NT5DC1: variants seen among roughly 807,000 people sequenced by gnomAD.
NT5DC1 encodes the protein 5'-nucleotidase domain containing 1, also known as 5'-nucleotidase domain-containing protein 1.
Under a neutral mutation model 59.4 loss-of-function variants are expected in NT5DC1, and 42 were observed. The ratio of observed to expected loss-of-function variants is 0.71; its 90% CI spans 0.55 to 0.92. NT5DC1 has a LOEUF of 0.92. NT5DC1 is among the 40% of genes least tolerant of loss of function. NT5DC1 has a pLI of 0.00. For missense variants in NT5DC1, 501 were observed against 537.1 expected, an observed-to-expected ratio of 0.93 and a Z score of 0.66; for synonymous variants, 172 against 188.1, an observed-to-expected ratio of 0.91 and a Z score of 0.70.
chr6:116,137,612 C>T, intron 6 of NT5DC1: 1 of 213,290 alleles, frequency 4.7e-6, no homozygotes, highest in South Asian at 8.7e-5. Context: ...CCCCGTGCCT[C>T]AGTAGTGGGA....
At chr6:116,163,135 A>ATATAT (rs1554197048) in intron 6 of NT5DC1, among the ~76,000 whole-genome samples, 30 of 98,538 alleles carry the variant, frequency 3.0e-4, no homozygotes, top group East Asian at 1.5e-3. Flanking sequence ...TCAAAAAAAA[A>ATATAT]AAAAAAATAT....
At chr6:116,181,201 A>G (rs1379884907) in intron 6 of NT5DC1, among the ~76,000 whole-genome samples, 2 of 152,066 alleles carry the variant, frequency 1.3e-5, no homozygotes, top group Non-Finnish European at 2.9e-5. Context: ...GAAAATTTCC[A>G]TAAGAATGAA....
At chr6:116,177,604 G>A (rs1231474686) in intron 6 of NT5DC1, among the ~76,000 whole-genome samples, 2 of 152,060 alleles carry the variant, frequency 1.3e-5, no homozygotes, top group African/African-American at 4.8e-5. Context: ...TTGCATTCAA[G>A]CCCTGTGTTT....
chr6:116,198,566 GA>G (rs1005146498), intron 6 of NT5DC1, among the ~76,000 whole-genome samples: 5 of 151,522 alleles, frequency 3.3e-5, no homozygotes, highest in Admixed American at 3.3e-4. Context: ...CTCATCCCTA[GA>G]AAAAAAATTT....
chr6:116,132,216 A>G (rs1423770841), intron 6 of NT5DC1, among the ~76,000 whole-genome samples: 3 of 152,176 alleles, frequency 2.0e-5, no homozygotes, highest in Non-Finnish European at 4.4e-5. Context: ...TCCCCTCAGC[A>G]TCACCAACAG....
intron 6 of NT5DC1, among the ~76,000 whole-genome samples, chr6:116,213,024 A>C (rs1781610158): frequency 6.6e-6 from 1 of 152,152 alleles, no homozygotes; most frequent in African/African-American, 2.4e-5. Context: ...AGGATTTGTG[A>C]ATATTTTATC....
chr6:116,183,482 T>G (rs1780930709), intron 6 of NT5DC1, among the ~76,000 whole-genome samples: 1 of 152,054 alleles, frequency 6.6e-6, no homozygotes, highest in South Asian at 2.1e-4. Context: ...ATTTTTTAAA[T>G]ATGGATATTT....
At chr6:116,238,460 A>G (rs1290309042) in intron 10 of NT5DC1, 112 bp downstream of exon 10, 3 of 390,406 alleles carry the variant, frequency 7.7e-6, no homozygotes, top group Non-Finnish European at 8.2e-6. Flanking sequence ...GAATACCATC[A>G]TGTTAAAAAA....
chr6:116,121,456 TCC>T (rs767997583), intron 6 of NT5DC1: 2 of 1,613,926 alleles, frequency 1.2e-6, no homozygotes, highest in East Asian at 4.5e-5. Context: ...CACCTCTTTT[TCC>T]CACTCCAGGA....
intron 6 of NT5DC1, among the ~76,000 whole-genome samples, chr6:116,210,366 G>GA (rs35069756): frequency 7.8e-4 from 115 of 146,602 alleles, no homozygotes; most frequent in African/African-American, 2.4e-3. Flanking sequence ...TGTACCATGT[G>GA]AAAAAAAAAA....
chr6:116,215,137 T>C (rs767644572), intron 6 of NT5DC1, among the ~76,000 whole-genome samples: 1 of 152,178 alleles, frequency 6.6e-6, no homozygotes. Flanking sequence ...CTGATATTAA[T>C]GTAGCTCTAC....
rs1284016654 is a variant in NT5DC1 at position 116,239,055 on chromosome 6, A to G, written c.1184A>G (p.Tyr395Cys). ...GAAAATACAGAAGACTCCTTGGTTT[A>G]TACATGGTCTTGTAAGAGAATCAGT... is the stretch of plus-strand genomic sequence containing the variant. Reference protein sequence around the residue: ...GLENTEDSLVYTWSCKRISTY... With the variant: ...GLENTEDSLVCTWSCKRISTY... Residue 395 changes from tyrosine (Y) to cysteine (C), a missense_variant, in exon 11 of 12, where the codon TAT becomes TGT. Coordinates refer to ENST00000319550, the MANE Select transcript of NT5DC1 (RefSeq NM_152729.3). 3 of 1,611,596 alleles carry G rather than the reference A, an allele frequency of 1.9e-6. No individual in the cohort carries two copies. Among genetic ancestry groups the G allele is most frequent in the Non-Finnish European group, 2.5e-6 (3 of 1,177,918 alleles).
rs571013407 is a variant in NT5DC1, at chr6:116,160,171, G to A, written c.529+42226G>A. Among the ~76,000 whole-genome samples the A allele has an allele frequency of 3.3e-5, 5 of 152,112 alleles. No homozygotes were observed. In the South Asian group the frequency reaches 8.3e-4, roughly 25 times the overall value. On this transcript the variant is annotated intron_variant, in intron 6 of 11. Coordinates refer to ENST00000319550, the MANE Select transcript of NT5DC1 (RefSeq NM_152729.3). ...GGATCAAAGGGTAGTTCTACTTTTA[G>A]TTATTTGAGAAATGCCCATAATGTT...
At chr6:116,130,803 T>C (rs867523771) in intron 6 of NT5DC1, among the ~76,000 whole-genome samples, 9 of 152,262 alleles carry the variant, frequency 5.9e-5, no homozygotes, top group South Asian at 2.1e-4. Context: ...GCCAGTAATA[T>C]AGTTATTCAT....
chr6:116,197,405 C>T (rs1781256376), intron 6 of NT5DC1, among the ~76,000 whole-genome samples: 1 of 151,982 alleles, frequency 6.6e-6, no homozygotes, highest in Non-Finnish European at 1.5e-5. Flanking sequence ...ATTTAAAATG[C>T]TAAGCAGAAT....
At chr6:116,102,181 T>G (rs1778672168) in intron 1 of NT5DC1, among the ~76,000 whole-genome samples, 1 of 152,242 alleles carries the variant, frequency 6.6e-6, no homozygotes, top group African/African-American at 2.4e-5. Flanking sequence ...AGATCACTGG[T>G]GCAGACATCA....
Position 116,238,167 on chromosome 6 carries a change from A to G in NT5DC1, c.922-20A>G. 2.5e-6 allele frequency: 4 copies of G among 1,569,610 alleles called. No individual in the cohort carries two copies. Among genetic ancestry groups the G allele is most frequent in the Non-Finnish European group, 3.5e-6 (4 of 1,157,856 alleles). ...TTCACAATTCTGTGCCTCAAACAGC[A>G]TCTGCTATCTGTCTTACAGGTTGTT... is the stretch of plus-strand genomic sequence containing the variant. On this transcript the variant is annotated intron_variant, in intron 9 of 11. Coordinates refer to ENST00000319550, the MANE Select transcript of NT5DC1 (RefSeq NM_152729.3).
At chr6:116,159,443 G>A (rs1435318602) in intron 6 of NT5DC1, among the ~76,000 whole-genome samples, 4 of 152,060 alleles carry the variant, frequency 2.6e-5, no homozygotes, top group Non-Finnish European at 5.9e-5. Context: ...TATTGCCTCT[G>A]AGTTAAAGTA....
At chr6:116,103,849 G>C (rs1258276901) in intron 1 of NT5DC1, among the ~76,000 whole-genome samples, 8 of 152,196 alleles carry the variant, frequency 5.3e-5, no homozygotes, top group African/African-American at 1.9e-4. Context: ...TAACGTAGAT[G>C]TGTGAGTGGG....
Sources: allele counts gnomAD v4.1 joint callset (sites outside exome capture counted in the v4.1 genomes callset), GRCh38; gene constraint gnomAD v4.1.1; transcripts MANE v1.5; gene names NCBI Gene and HGNC (gene_info 2026-07-23, HGNC 2026-07-21).